OAS2: variants seen among roughly 807,000 people sequenced by gnomAD.
OAS2 encodes 2'-5'-oligoadenylate synthase 2.
Under a neutral mutation model 71.3 loss-of-function variants are expected in OAS2, and 67 were observed. That is an observed-to-expected ratio of 0.94 (90% CI 0.77 to 1.15). The LOEUF is 1.15. OAS2 is among the 50% of genes most tolerant of loss of function. The pLI is 0.00. For missense variants in OAS2, 789 were observed against 822.5 expected (o/e 0.96, Z 0.50); for synonymous variants, 327 against 321.8 (o/e 1.02, Z -0.17).
chr12:112,992,376 G>A (rs1482341048), intron 2 of OAS2, among the ~76,000 whole-genome samples: 3 of 137,602 alleles, frequency 2.2e-5, no homozygotes, highest in Admixed American at 1.6e-4. Flanking sequence ...GGACAACGGA[G>A]CAAGATCTTG....
intron 2 of OAS2, among the ~76,000 whole-genome samples, chr12:112,990,904 G>C (rs1368037293): frequency 6.6e-6 from 1 of 152,156 alleles, no homozygotes. Flanking sequence ...AGTTTTTCAG[G>C]TTTCTTTGGG....
intron 5 of OAS2, among the ~76,000 whole-genome samples, chr12:113,001,450 A>C (rs1379463883): frequency 1.3e-5 from 1 of 75,314 alleles, no homozygotes; most frequent in African/African-American, 4.2e-5. Context: ...ACATATATAC[A>C]TATATACACA....
intron 5 of OAS2, among the ~76,000 whole-genome samples, chr12:112,998,646 A>C (rs1593202445): frequency 6.6e-6 from 1 of 152,200 alleles, no homozygotes; most frequent in East Asian, 1.9e-4. Flanking sequence ...GGGAAGAATT[A>C]TTCCAGGCTT....
In OAS2 at chr12:113,007,953, C is replaced by T. The variant is rs1250205478; in HGVS notation, c.1895+10C>T. ...AGTTGCAGAAAACCAGGTGCCTTCA[C>T]CCTAGCCCCGTACTTTTCTTAACCT... On this transcript the variant is annotated intron_variant, in intron 9 of 9. Transcript: ENST00000392583. 13 of 1,590,160 alleles carry T rather than the reference C, an allele frequency of 8.2e-6. No individual in the cohort carries two copies. Among genetic ancestry groups the T allele is most frequent in the South Asian group, 2.2e-5 (2 of 90,544 alleles).
At chr12:113,007,633 C>A in intron 8 of OAS2, 72 bp from the exon 9 acceptor site, 1 of 1,237,706 alleles carries the variant, frequency 8.1e-7, no homozygotes. Context: ...AGTTGCCTTG[C>A]TGTGGTCCCT....
chr12:113,008,008 G>A, intron 9 of OAS2, 65 bp downstream of exon 9: 1 of 1,177,896 alleles, frequency 8.5e-7, no homozygotes. Context: ...TCAGCAACCT[G>A]GATTTTCCTC....
At chr12:112,988,731 T>C in intron 2 of OAS2, 1 of 985,384 alleles carries the variant, frequency 1.0e-6, no homozygotes. Context: ...GAATGGCGCA[T>C]TCCTCCTTCT....
At chr12:112,992,487 A>G (rs1433910771) in intron 2 of OAS2, among the ~76,000 whole-genome samples, 32 of 152,146 alleles carry the variant, frequency 2.1e-4, no homozygotes, top group Admixed American at 2.1e-3. Flanking sequence ...TTAAGCCATC[A>G]TTAAACAAAT....
chr12:112,991,795 T>C (rs761596308), intron 2 of OAS2, among the ~76,000 whole-genome samples: 26 of 152,182 alleles, frequency 1.7e-4, no homozygotes, highest in Non-Finnish European at 3.5e-4. Context: ...TCACAACTTA[T>C]ATGGAAATAA....
At chr12:113,002,021 C>T (rs1249957823) in intron 5 of OAS2, among the ~76,000 whole-genome samples, 2 of 151,888 alleles carry the variant, frequency 1.3e-5, no homozygotes, top group African/African-American at 2.4e-5. Context: ...GGTGACAGAG[C>T]GAGACACTAT....
In OAS2 at chr12:113,009,647, C is replaced by T. The variant is rs1705476151; in HGVS notation, c.*392C>T. The stretch of plus-strand genomic sequence containing the variant: ...AAGCGGCCACGGTGCCTCCAGATGG[C>T]AGGTTTGCAATCCAAGCAGGAAGAA... On this transcript the variant is annotated 3_prime_UTR_variant, in exon 10 of 10. Coordinates refer to ENST00000392583, the MANE Select transcript of OAS2 (RefSeq NM_002535.3). 2.0e-6 allele frequency: 2 copies of T among 993,006 alleles called. No homozygotes were observed. Among genetic ancestry groups the T allele is most frequent in the Non-Finnish European group, 1.2e-6 (1 of 835,414 alleles). 61.5% of individuals were successfully genotyped at this position (993,006 alleles called of 1,614,324 possible).
chr12:112,984,654 T>C (rs781122940), intron 1 of OAS2, among the ~76,000 whole-genome samples: 26 of 152,350 alleles, frequency 1.7e-4, no homozygotes, highest in Non-Finnish European at 3.2e-4. Context: ...CTTTTCTTTC[T>C]CTTTATTGCC....
Position 112,978,931 on chromosome 12 carries a change from G to A in OAS2, c.177+146G>A. The A allele has an allele frequency of 1.9e-5, 14 of 724,794 alleles. No homozygotes were observed. Among genetic ancestry groups the A allele is most frequent in the Non-Finnish European group, 2.7e-5 (12 of 447,424 alleles). The allele number at this position is 724,794 out of a possible 1,614,324, so 44.9% of individuals were successfully genotyped here. A position where few individuals can be genotyped will look rare whatever the true frequency, so the allele number is the denominator to read the frequency against. ...TGTAGGAGTCTCAGGCTCTGGAGCA[G>A]GCGCTTGCTCCAGAGCTGTGTGACA... is the stretch of plus-strand genomic sequence containing the variant. On this transcript the variant is annotated intron_variant, in intron 1 of 9. Transcript: ENST00000392583. The surrounding 1 kb of genome is among the most constrained non-coding windows in gnomAD (Gnocchi z 4.2).
intron 2 of OAS2, 27 bp from the exon 3 acceptor site, chr12:112,995,269 A>T (rs2044223569): frequency 6.3e-7 from 1 of 1,587,866 alleles, no homozygotes; most frequent in African/African-American, 1.4e-5. Flanking sequence ...CATAAATAAC[A>T]ACGTTCCAAT....
intron 7 of OAS2, among the ~76,000 whole-genome samples, 178 bp from the exon 8 acceptor site, chr12:113,006,235 T>A (rs559448764): frequency 6.6e-6 from 1 of 152,228 alleles, no homozygotes; most frequent in Admixed American, 6.5e-5. Context: ...GACCACATAA[T>A]TTTTACATAT....
chr12:112,982,171 A>G (rs1193060377), intron 1 of OAS2, among the ~76,000 whole-genome samples: 1 of 152,110 alleles, frequency 6.6e-6, no homozygotes, highest in Non-Finnish European at 1.5e-5. Flanking sequence ...TATGGTCTGC[A>G]AAGAGGGGCA....
chr12:113,006,458 G>T lies in OAS2; in HGVS notation c.1514G>T (p.Gly505Val). 6.2e-7 allele frequency: 1 copy of T among 1,602,472 alleles called. No homozygotes were observed. The change falls in exon 8 of 10, where the codon GGG (glycine) becomes GTG (valine). Residue 505 changes from glycine to valine, a missense_variant. Transcript: ENST00000392583. The part of the protein sequence containing the change: ...GSTPSPEVYA[G>V]LIDLYKSSDL... ...ACACCCAGCCCCGAGGTTTATGCAG[G>T]GCTCATTGATCTGTATAAATCCTCG...
intron 2 of OAS2, among the ~76,000 whole-genome samples, chr12:112,993,264 A>T (rs1382993406): frequency 6.6e-6 from 1 of 152,144 alleles, no homozygotes; most frequent in Non-Finnish European, 1.5e-5. Flanking sequence ...CTCTCCCCCT[A>T]GGGCCTTTGA....
At chr12:112,988,588 T>C in intron 2 of OAS2, 1 of 984,642 alleles carries the variant, frequency 1.0e-6, no homozygotes, top group South Asian at 4.7e-5. Flanking sequence ...AAACTTAAAA[T>C]ATGTAAGGAG....
Sources: allele counts gnomAD v4.1 joint callset (sites outside exome capture counted in the v4.1 genomes callset), GRCh38; gene constraint gnomAD v4.1.1; non-coding constraint Gnocchi (gnomAD v3.1); transcripts MANE v1.5; gene names NCBI Gene and HGNC (gene_info 2026-07-23, HGNC 2026-07-21).